Variants in RGS6 observed in about 807,000 individuals in gnomAD.
The protein encoded by RGS6 is regulator of G protein signaling 6, also known as regulator of G-protein signaling 6.
A neutral mutation model predicts 78.5 loss-of-function variants in RGS6; 30 were observed. The observed-to-expected ratio is 0.38, with a 90% CI of 0.29 to 0.52. The LOEUF (loss-of-function observed/expected upper bound fraction) is 0.52, where lower values mean the gene tolerates loss of function less well. Among genes scored for constraint, RGS6 ranks in the 20% least tolerant of loss-of-function variants. The pLI is 0.85. For synonymous variants in RGS6, 206 were observed against 206.0 expected (o/e 1.00, Z 0.00); for missense variants, 495 against 609.7 (o/e 0.81, Z 1.98).
At chr14:71,921,701 G>T in the RGS6 span, among the ~76,000 whole-genome samples, 1 of 152,210 alleles carries the variant, frequency 6.6e-6, no homozygotes, top group African/African-American at 2.4e-5. Flanking sequence ...TTGCCAGAGG[G>T]TGGGGAGATG....
chr14:71,874,493 G>T, the RGS6 span, among the ~76,000 whole-genome samples: 1 of 152,198 alleles, frequency 6.6e-6, no homozygotes, highest in Non-Finnish European at 1.5e-5. Context: ...CATTGATTTT[G>T]TATCCTGAGA....
At chr14:72,322,090 T>G (rs956104887) in intron 2 of RGS6, among the ~76,000 whole-genome samples, 1 of 152,014 alleles carries the variant, frequency 6.6e-6, no homozygotes, top group Non-Finnish European at 1.5e-5. Flanking sequence ...AGAAAATTTG[T>G]ATACGTAAGT....
chr14:72,231,527 A>G (rs1048904825), intron 2 of RGS6, among the ~76,000 whole-genome samples: 18 of 152,184 alleles, frequency 1.2e-4, no homozygotes, highest in Non-Finnish European at 7.3e-5. Flanking sequence ...TGTTGGTGGG[A>G]GGAGGTATCT....
chr14:72,442,490 C>A (rs2095240877), intron 3 of RGS6, among the ~76,000 whole-genome samples: 1 of 152,170 alleles, frequency 6.6e-6, no homozygotes, highest in Admixed American at 6.5e-5. Flanking sequence ...ACAAATAGTT[C>A]AATCATAGCC....
chr14:71,983,188 C>T (rs1368988773), intron 2 of RGS6, among the ~76,000 whole-genome samples: 1 of 152,146 alleles, frequency 6.6e-6, no homozygotes, highest in Admixed American at 6.5e-5. Context: ...ACACTGGAGC[C>T]TCAAGTCACC....
intron 3 of RGS6, among the ~76,000 whole-genome samples, chr14:72,372,176 C>A (rs1193745691): frequency 6.6e-6 from 1 of 152,064 alleles, no homozygotes; most frequent in African/African-American, 2.4e-5. Flanking sequence ...ATAATTATGC[C>A]ACGTATTATA....
chr14:72,388,856 G>A (rs2089119342), intron 3 of RGS6, among the ~76,000 whole-genome samples: 1 of 152,144 alleles, frequency 6.6e-6, no homozygotes, highest in African/African-American at 2.4e-5. Context: ...TCTACTTCAT[G>A]TGGCTGTTGG....
At chr14:71,990,638 C>T (rs771439732) in intron 2 of RGS6, 8 of 455,984 alleles carry the variant, frequency 1.8e-5, no homozygotes, top group Admixed American at 9.4e-5. Context: ...TCTTCATTCC[C>T]GGGGCAGCTT....
chr14:72,450,329 C>G (rs2095462745), intron 3 of RGS6, among the ~76,000 whole-genome samples: 1 of 152,094 alleles, frequency 6.6e-6, no homozygotes, highest in African/African-American at 2.4e-5. Flanking sequence ...TCCCAGTCAT[C>G]TAATAAACAT....
At chr14:71,916,672 G>T in the RGS6 span, among the ~76,000 whole-genome samples, 1 of 152,158 alleles carries the variant, frequency 6.6e-6, no homozygotes, top group Non-Finnish European at 1.5e-5. Flanking sequence ...GTCTCTGAGA[G>T]GATCAGGCAA....
intron 3 of RGS6, among the ~76,000 whole-genome samples, chr14:72,448,943 C>T (rs2095430693): frequency 6.6e-6 from 1 of 152,112 alleles, no homozygotes; most frequent in Admixed American, 6.5e-5. Context: ...CAATTATTGT[C>T]AAGATAACAT....
At chr14:72,479,261 A>G (rs1344323593) in intron 12 of RGS6, among the ~76,000 whole-genome samples, 1 of 152,182 alleles carries the variant, frequency 6.6e-6, no homozygotes, top group Non-Finnish European at 1.5e-5. Flanking sequence ...CTCCAACCCC[A>G]AACAAAGAGT....
chr14:71,947,017 G>A (rs2091623347), intron 1 of RGS6, among the ~76,000 whole-genome samples: 1 of 152,184 alleles, frequency 6.6e-6, no homozygotes, highest in African/African-American at 2.4e-5. Flanking sequence ...GTGTGCCACA[G>A]TGAATTTCCA....
At chr14:72,101,455 G>A (rs1171197350) in intron 2 of RGS6, among the ~76,000 whole-genome samples, 2 of 152,202 alleles carry the variant, frequency 1.3e-5, no homozygotes, top group Admixed American at 6.5e-5. Context: ...ATAAATGAAT[G>A]TTTTATGATT....
At chr14:71,982,190 A>G (rs2094500967) in intron 2 of RGS6, among the ~76,000 whole-genome samples, 1 of 151,874 alleles carries the variant, frequency 6.6e-6, no homozygotes, top group Admixed American at 6.6e-5. Flanking sequence ...AGTGTCTGGC[A>G]CTCCCTAGTG....
the RGS6 span, among the ~76,000 whole-genome samples, chr14:71,878,257 C>T: frequency 6.6e-6 from 1 of 152,200 alleles, no homozygotes; most frequent in Non-Finnish European, 1.5e-5. Context: ...GCCTTTTATT[C>T]AGCTATGCCC....
At chr14:72,410,560 C>T (rs1374460735) in intron 3 of RGS6, among the ~76,000 whole-genome samples, 1 of 152,170 alleles carries the variant, frequency 6.6e-6, no homozygotes, top group East Asian at 1.9e-4. Context: ...TGTGCAGAAG[C>T]TCTTTAGTTT....
chr14:72,319,596 C>A (rs1157335716), intron 2 of RGS6, among the ~76,000 whole-genome samples: 1 of 152,130 alleles, frequency 6.6e-6, no homozygotes, highest in Admixed American at 6.5e-5. Context: ...CTGCCTCAGC[C>A]TCCCAAAGTT....
At chr14:72,251,406 A>T (rs546510702) in intron 2 of RGS6, among the ~76,000 whole-genome samples, 1 of 152,332 alleles carries the variant, frequency 6.6e-6, no homozygotes, top group African/African-American at 2.4e-5. Context: ...AGATAGGGAA[A>T]TTCCAGAGAG....
Sources: gnomAD v4.1 joint callset for allele counts (sites outside exome capture counted in the v4.1 genomes callset) on GRCh38, gnomAD v4.1.1 for gene constraint, MANE v1.5 for transcripts, NCBI Gene and HGNC (gene_info 2026-07-23, HGNC 2026-07-21) for gene names.